Variants in OTUD7A observed in about 807,000 individuals in gnomAD.
OTUD7A encodes the protein OTU domain-containing protein 7A.
A neutral mutation model predicts 65.7 loss-of-function variants in OTUD7A; 12 were observed. The observed-to-expected ratio is 0.18, with a 90% CI of 0.12 to 0.30. The LOEUF is 0.30. Among genes scored for constraint, OTUD7A ranks in the 10% least tolerant of loss-of-function variants. The pLI is 1.00. For missense variants in OTUD7A, 1,148 were observed against 1,304.8 expected (o/e 0.88, Z 1.85); for synonymous variants, 641 against 586.3 (o/e 1.09, Z -1.35).
intron 5 of OTUD7A, among the ~76,000 whole-genome samples, chr15:31,544,283 A>T (rs1432978679): frequency 6.6e-6 from 1 of 151,872 alleles, no homozygotes; most frequent in Non-Finnish European, 1.5e-5. Context: ...AAGAGTTAAA[A>T]AGAAAGGCTA....
intron 3 of OTUD7A, among the ~76,000 whole-genome samples, chr15:31,636,592 G>A (rs970407979): frequency 3.3e-5 from 5 of 152,126 alleles, no homozygotes; most frequent in African/African-American, 1.2e-4. Flanking sequence ...TCAAAAGCTA[G>A]GAATGGTTAA....
intron 1 of OTUD7A, among the ~76,000 whole-genome samples, chr15:31,728,741 G>A (rs913553732): frequency 2.0e-5 from 3 of 152,100 alleles, no homozygotes; most frequent in Non-Finnish European, 2.9e-5. Flanking sequence ...ATTTTCTCAC[G>A]AACCCACTTT....
chr15:31,670,866 G>A (rs12443462), intron 1 of OTUD7A, among the ~76,000 whole-genome samples: 1 of 152,172 alleles, frequency 6.6e-6, no homozygotes, highest in East Asian at 1.9e-4. Context: ...GTGGTGGCGG[G>A]CGCCTGTAGT....
rs773172943 is a variant in OTUD7A, at chr15:31,479,119, G to A, written c.*4175C>T. ...GATCTCTAGAGAGCCACCACTTTAA[G>A]GCGTTTTGGAAGGGGCCACCTGCTC... is the stretch of plus-strand genomic sequence containing the variant. On this transcript the variant is annotated 3_prime_UTR_variant, in exon 13 of 13. Coordinates refer to ENST00000307050, the MANE Select transcript of OTUD7A (RefSeq NM_001382637.1). The A allele has an allele frequency of 6.6e-6, 1 of 152,264 alleles. No individual in the cohort carries two copies. Among genetic ancestry groups the A allele is most frequent in the Admixed American group, 6.5e-5 (1 of 15,286 alleles). 9.4% of individuals were successfully genotyped at this position (152,264 alleles called of 1,614,324 possible).
intron 1 of OTUD7A, among the ~76,000 whole-genome samples, chr15:31,826,469 T>C (rs1243042003): frequency 1.3e-5 from 2 of 152,184 alleles, no homozygotes; most frequent in Admixed American, 1.3e-4. Flanking sequence ...TTGGGCACCC[T>C]GGGCCCAGCC....
chr15:31,714,639 A>G (rs1481226875), intron 1 of OTUD7A, among the ~76,000 whole-genome samples: 2 of 152,268 alleles, frequency 1.3e-5, no homozygotes, highest in African/African-American at 4.8e-5. Flanking sequence ...CCCTTATGCA[A>G]AGCTAATAAA....
chr15:31,515,649 C>G (rs1237709929), intron 8 of OTUD7A, among the ~76,000 whole-genome samples: 1 of 120,256 alleles, frequency 8.3e-6, no homozygotes, highest in Non-Finnish European at 1.8e-5. Context: ...CTCCCTCTCT[C>G]TCTTCATCCA....
intron 1 of OTUD7A, among the ~76,000 whole-genome samples, chr15:31,859,441 A>G (rs1451649890): frequency 6.6e-6 from 1 of 152,242 alleles, no homozygotes; most frequent in East Asian, 1.9e-4. Context: ...AAACATTTGT[A>G]AGCCAGCTAT....
At chr15:31,659,126 C>G (rs552781262) in intron 1 of OTUD7A, among the ~76,000 whole-genome samples, 1 of 152,080 alleles carries the variant, frequency 6.6e-6, no homozygotes, top group African/African-American at 2.4e-5. Context: ...AAATAAAACA[C>G]TGCTGCATTA....
chr15:31,809,364 T>A (rs1896362497), intron 1 of OTUD7A, among the ~76,000 whole-genome samples: 2 of 152,200 alleles, frequency 1.3e-5, no homozygotes, highest in African/African-American at 4.8e-5. Flanking sequence ...AGAATCTGGC[T>A]TGAGCGGTAG....
intron 1 of OTUD7A, among the ~76,000 whole-genome samples, chr15:31,853,557 A>G (rs191584334): frequency 3.5e-4 from 54 of 152,332 alleles, no homozygotes; most frequent in African/African-American, 1.0e-3. Context: ...CCTAGCCCCA[A>G]TGTGGTTGGT....
intron 1 of OTUD7A, among the ~76,000 whole-genome samples, chr15:31,796,452 G>T (rs1346310823): frequency 6.6e-6 from 1 of 152,132 alleles, no homozygotes; most frequent in African/African-American, 2.4e-5. Context: ...ATAATTGCAT[G>T]AGGCTCACCC....
In OTUD7A at chr15:31,476,502, T is replaced by C. The variant is rs1295427210; in HGVS notation, c.*6792A>G. On this transcript the variant is annotated 3_prime_UTR_variant, in exon 13 of 13. Coordinates refer to ENST00000307050, the MANE Select transcript of OTUD7A (RefSeq NM_001382637.1). ...TTGCATGGGCCAAGGGGGCAGGCTC[T>C]TGGGAAGCACACACTCCCTCCCTGA... The C allele has an allele frequency of 1.3e-5, 2 of 152,296 alleles. No homozygotes were observed. The highest frequency in any genetic ancestry group is 4.8e-5 in the African/African-American group (2 of 41,464). 9.4% of individuals were successfully genotyped at this position (152,296 alleles called of 1,614,324 possible). A position where few individuals can be genotyped will look rare whatever the true frequency, so the allele number is the denominator to read the frequency against.
At chr15:31,578,574 CAG>C (rs1889275450) in intron 3 of OTUD7A, among the ~76,000 whole-genome samples, 2 of 147,580 alleles carry the variant, frequency 1.4e-5, no homozygotes, top group East Asian at 2.0e-4. Context: ...TTTTTTGAGA[CAG>C]AGTCTCACTT....
rs1228116108 is a variant in OTUD7A, at chr15:31,477,832, C to T, written c.*5462G>A. 1 of 144,028 alleles carries T rather than the reference C, an allele frequency of 6.9e-6. No individual in the cohort carries two copies. Among genetic ancestry groups the T allele is most frequent in the East Asian group, 2.2e-4 (1 of 4,556 alleles). 8.9% of individuals were successfully genotyped at this position (144,028 alleles called of 1,614,324 possible). A position where few individuals can be genotyped will look rare whatever the true frequency, so the allele number is the denominator to read the frequency against. ...ATCAAATAAATGGATGAATGATTAA[C>T]ATCTGCAGCACTCAGATGGTGATAG... On this transcript the variant is annotated 3_prime_UTR_variant, in exon 13 of 13. Coordinates refer to ENST00000307050, the MANE Select transcript of OTUD7A (RefSeq NM_001382637.1).
chr15:31,822,315 G>A (rs1268108700), intron 1 of OTUD7A, among the ~76,000 whole-genome samples: 2 of 152,166 alleles, frequency 1.3e-5, no homozygotes, highest in African/African-American at 4.8e-5. Flanking sequence ...GCTCTCTGGG[G>A]GCAGGCATAC....
At position 31,502,803 on chromosome 15, in the gene OTUD7A, C is replaced by T. The variant is rs530208975; in HGVS notation, c.1021+888G>A. On this transcript the variant is annotated intron_variant, in intron 9 of 12. Coordinates refer to ENST00000307050, the MANE Select transcript of OTUD7A (RefSeq NM_001382637.1). ...AGACCTGCAGACCTCAGCAGGCCCG[C>T]GTCCCTGAGCCACACAGGGAAGGGG... 2.1e-4 allele frequency among the ~76,000 whole-genome samples: 32 copies of T among 152,324 alleles called. No homozygotes were observed. In the East Asian group the frequency reaches 2.9e-3, roughly 14 times the overall value.
chr15:31,796,638 G>C (rs1046604619), intron 1 of OTUD7A, among the ~76,000 whole-genome samples: 4 of 152,162 alleles, frequency 2.6e-5, no homozygotes, highest in Admixed American at 6.5e-5. Context: ...ATGTAAAAGA[G>C]CATAAGGAAA....
chr15:31,554,702 C>A (rs1870438), intron 5 of OTUD7A, among the ~76,000 whole-genome samples: 4,405 of 152,262 alleles, frequency 0.029, 220 homozygotes, highest in African/African-American at 0.1. Context: ...CACCATCTCA[C>A]CCACATGGTG....
Sources: allele counts gnomAD v4.1 joint callset (sites outside exome capture counted in the v4.1 genomes callset), GRCh38; gene constraint gnomAD v4.1.1; transcripts MANE v1.5; gene names NCBI Gene and HGNC (gene_info 2026-07-23, HGNC 2026-07-21).